AUTS2: variants seen among roughly 807,000 people sequenced by gnomAD.
The protein encoded by AUTS2 is activator of transcription and developmental regulator AUTS2, also known as autism susceptibility gene 2 protein.
A neutral mutation model predicts 112.4 loss-of-function variants in AUTS2; 17 were observed. That is an observed-to-expected ratio of 0.15 (90% CI 0.10 to 0.23). AUTS2 has a LOEUF of 0.23. Among genes scored for constraint, AUTS2 ranks in the 10% least tolerant of loss-of-function variants. The pLI is 1.00. For missense variants in AUTS2, 1,510 were observed against 1,701.6 expected, an observed-to-expected ratio of 0.89 and a Z score of 1.98; for synonymous variants, 751 against 702.7, an observed-to-expected ratio of 1.07 and a Z score of -1.09.
chr7:69,664,219 C>G (rs1008430267), intron 1 of AUTS2, among the ~76,000 whole-genome samples: 4 of 152,198 alleles, frequency 2.6e-5, no homozygotes, highest in Non-Finnish European at 4.4e-5. Context: ...GCATCATTAT[C>G]ATTTCTAACA....
chr7:70,632,182 A>G lies in AUTS2; in HGVS notation c.691-66387A>G, dbSNP rs191719860. 2.4e-3 allele frequency among the ~76,000 whole-genome samples: 358 copies of G among 152,176 alleles called. 4 individuals are homozygous for G. The highest frequency in any genetic ancestry group is 1.9e-3 in the Non-Finnish European group (127 of 68,000). On this transcript the variant is annotated intron_variant, in intron 5 of 18. Transcript: ENST00000342771. ...AGAGATCCTGGACAGGGGTGATTCC[A>G]GATGTAGACTCATACTTGAAAGGCA...
chr7:69,955,868 A>T (rs1789442902), intron 2 of AUTS2, among the ~76,000 whole-genome samples: 1 of 152,116 alleles, frequency 6.6e-6, no homozygotes, highest in African/African-American at 2.4e-5. Flanking sequence ...GGGTATGCTC[A>T]AGTTATTGCT....
At chr7:70,435,688 G>T (rs1270788948) in intron 4 of AUTS2, 64 bp from the exon 5 acceptor site, 1 of 1,534,584 alleles carries the variant, frequency 6.5e-7, no homozygotes, top group African/African-American at 1.4e-5. Context: ...GGGGGAGGAG[G>T]CATCAAAAGC....
chr7:70,106,878 G>C (rs1804792492), intron 2 of AUTS2, among the ~76,000 whole-genome samples: 1 of 151,790 alleles, frequency 6.6e-6, no homozygotes, highest in Non-Finnish European at 1.5e-5. Context: ...AGTTTTTGCT[G>C]TAGTGATCTT....
chr7:70,252,513 T>C (rs1786655902), intron 4 of AUTS2, among the ~76,000 whole-genome samples: 1 of 152,210 alleles, frequency 6.6e-6, no homozygotes, highest in Non-Finnish European at 1.5e-5. Flanking sequence ...CCATATTAAA[T>C]ATATGGTTTG....
intron 1 of AUTS2, among the ~76,000 whole-genome samples, chr7:69,757,537 A>G (rs1194131564): frequency 6.6e-6 from 1 of 152,180 alleles, no homozygotes. Flanking sequence ...ATTTGGAGAG[A>G]AAAATGGGCA....
chr7:70,171,060 A>G (rs939523600), intron 4 of AUTS2, among the ~76,000 whole-genome samples: 1 of 152,232 alleles, frequency 6.6e-6, no homozygotes, highest in Admixed American at 6.5e-5. Context: ...TCTTGGGTCT[A>G]CTGCCAGGTT....
intron 1 of AUTS2, among the ~76,000 whole-genome samples, chr7:69,702,932 C>G (rs995326866): frequency 9.2e-5 from 14 of 152,178 alleles, no homozygotes; most frequent in African/African-American, 2.9e-4. Context: ...AAAGCCAACT[C>G]TCACATGGAT....
chr7:70,405,661 G>A (rs1292549079), intron 4 of AUTS2, among the ~76,000 whole-genome samples: 1 of 152,134 alleles, frequency 6.6e-6, no homozygotes, highest in Non-Finnish European at 1.5e-5. Flanking sequence ...ATTTCTTCAT[G>A]GTTTATTGCC....
At chr7:69,947,927 G>T (rs975241821) in intron 2 of AUTS2, among the ~76,000 whole-genome samples, 1 of 152,178 alleles carries the variant, frequency 6.6e-6, no homozygotes, top group Non-Finnish European at 1.5e-5. Flanking sequence ...TACACAGCTT[G>T]TAAGTGGCAT....
chr7:70,463,285 C>T (rs1308786380), intron 5 of AUTS2, among the ~76,000 whole-genome samples: 4 of 152,156 alleles, frequency 2.6e-5, no homozygotes, highest in Non-Finnish European at 5.9e-5. Context: ...TCTAAAAACC[C>T]GTAGAAAACC....
intron 2 of AUTS2, among the ~76,000 whole-genome samples, chr7:69,923,135 C>G (rs1239092699): frequency 6.6e-6 from 1 of 152,058 alleles, no homozygotes; most frequent in Non-Finnish European, 1.5e-5. Context: ...TAGACTGTGC[C>G]TGTTTGATTT....
rs539820615 is a variant in AUTS2 at position 70,206,075 on chromosome 7, T to G, written c.660+71504T>G. Among the ~76,000 whole-genome samples the G allele has an allele frequency of 2.0e-5, 3 of 152,324 alleles. No individual in the cohort carries two copies. The East Asian group carries it at 5.8e-4, about 29-fold the overall frequency. ...ACTGGGATCTGTGAGGTTAAATAAC[T>G]TGTTGTAGGACATATGGCTAATTAA... On this transcript the variant is annotated intron_variant, in intron 4 of 18. Coordinates refer to ENST00000342771, the MANE Select transcript of AUTS2 (RefSeq NM_015570.4).
chr7:70,447,448 G>A (rs1442717114), intron 5 of AUTS2, among the ~76,000 whole-genome samples: 1 of 152,232 alleles, frequency 6.6e-6, no homozygotes, highest in Non-Finnish European at 1.5e-5. Flanking sequence ...GTGCTTAGAT[G>A]TGCTATACAT....
At chr7:69,647,114 C>G (rs1795060229) in intron 1 of AUTS2, among the ~76,000 whole-genome samples, 1 of 151,968 alleles carries the variant, frequency 6.6e-6, no homozygotes, top group Non-Finnish European at 1.5e-5. Context: ...AAAACAAAAA[C>G]AAAGCATAGT....
chr7:69,983,315 C>T (rs1798372665), intron 2 of AUTS2, among the ~76,000 whole-genome samples: 1 of 151,126 alleles, frequency 6.6e-6, no homozygotes. Context: ...TAAATTATTC[C>T]CTTGTTTGGG....
chr7:69,771,854 G>A (rs1788678303), intron 1 of AUTS2, among the ~76,000 whole-genome samples: 2 of 151,096 alleles, frequency 1.3e-5, no homozygotes, highest in Admixed American at 1.3e-4. Context: ...GCGCGATCTC[G>A]GCTCACTGCA....
intron 2 of AUTS2, among the ~76,000 whole-genome samples, chr7:69,977,498 A>G (rs1432222491): frequency 6.6e-6 from 1 of 152,056 alleles, no homozygotes; most frequent in South Asian, 2.1e-4. Flanking sequence ...TTTGATAGAG[A>G]TTGTATTTAT....
At chr7:70,209,484 G>A (rs986537178) in intron 4 of AUTS2, among the ~76,000 whole-genome samples, 2 of 152,176 alleles carry the variant, frequency 1.3e-5, no homozygotes, top group African/African-American at 4.8e-5. Context: ...CAGCATATGG[G>A]ATTGAAAGCT....
Sources: gnomAD v4.1 joint callset for allele counts (sites outside exome capture counted in the v4.1 genomes callset) on GRCh38, gnomAD v4.1.1 for gene constraint, MANE v1.5 for transcripts, NCBI Gene and HGNC (gene_info 2026-07-23, HGNC 2026-07-21) for gene names.